Variants in PXDNL observed in about 807,000 individuals in gnomAD.
PXDNL encodes the protein probable oxidoreductase PXDNL.
A neutral mutation model predicts 150.8 loss-of-function variants in PXDNL; 145 were observed. That is an observed-to-expected ratio of 0.96 (90% CI 0.84 to 1.10). The LOEUF (loss-of-function observed/expected upper bound fraction) is 1.10. PXDNL is among the 50% of genes least tolerant of loss of function. PXDNL has a pLI of 0.00. For missense variants in PXDNL, 2,087 were observed against 1,873.9 expected, an observed-to-expected ratio of 1.11 and a Z score of -2.10; for synonymous variants, 757 against 725.7, an observed-to-expected ratio of 1.04 and a Z score of -0.69.
intron 21 of PXDNL, among the ~76,000 whole-genome samples, chr8:51,337,480 G>A (rs753505462): frequency 2.6e-5 from 4 of 152,160 alleles, no homozygotes; most frequent in East Asian, 1.9e-4. Context: ...TAGGGTTTCC[G>A]GACTCTGTGA....
chr8:51,453,855 G>C (rs959617919), intron 9 of PXDNL, 70 bp from the exon 10 acceptor site: 16 of 1,509,676 alleles, frequency 1.1e-5, no homozygotes, highest in Non-Finnish European at 1.3e-5. Flanking sequence ...ATTCTGCATT[G>C]TGGTTTTAAG....
chr8:51,375,533 A>G (rs1807274976), intron 17 of PXDNL, among the ~76,000 whole-genome samples: 1 of 152,226 alleles, frequency 6.6e-6, no homozygotes, highest in African/African-American at 2.4e-5. Context: ...TCACAAATGG[A>G]AATATAGTAT....
intron 6 of PXDNL, among the ~76,000 whole-genome samples, chr8:51,482,615 A>G (rs1194913983): frequency 6.6e-6 from 1 of 152,122 alleles, no homozygotes; most frequent in Non-Finnish European, 1.5e-5. Flanking sequence ...CCCATGTGTC[A>G]AGGGGACTAA....
chr8:51,790,434 C>T (rs1293246692), intron 1 of PXDNL, among the ~76,000 whole-genome samples: 2 of 152,196 alleles, frequency 1.3e-5, no homozygotes, highest in Non-Finnish European at 2.9e-5. Flanking sequence ...ATCTGGTTTG[C>T]TAATACTTTG....
chr8:51,413,153 G>A lies in PXDNL; in HGVS notation c.1901C>T (p.Ser634Leu). The A allele has an allele frequency of 1.9e-6, 3 of 1,563,408 alleles. No homozygotes were observed. The highest frequency in any genetic ancestry group is 2.6e-6 in the Non-Finnish European group (3 of 1,134,548). ...TCTGTGTAAAATAAATTCTTACTGT[G>A]AAAACAAATGTCTTCGTGTGGAGTT... ...AINSTRRHLF[S>L]QKPHTSSDLL... is the part of the protein sequence containing the mutation. The change falls in exon 15 of 23, where the codon TCA becomes TTA. Residue 634 changes from serine (S) to leucine (L), a missense_variant. Coordinates refer to ENST00000356297, the MANE Select transcript of PXDNL (RefSeq NM_144651.5).
intron 1 of PXDNL, among the ~76,000 whole-genome samples, chr8:51,679,161 C>A (rs905653533): frequency 2.0e-5 from 3 of 152,186 alleles, no homozygotes; most frequent in Non-Finnish European, 4.4e-5. Flanking sequence ...ATTCCTTCTT[C>A]CTTTTAGTTG....
chr8:51,796,598 C>T (rs2037563730), intron 1 of PXDNL, among the ~76,000 whole-genome samples: 2 of 152,142 alleles, frequency 1.3e-5, no homozygotes, highest in Admixed American at 6.5e-5. Context: ...TTCCTAGACA[C>T]ATACACCCTT....
At chr8:51,777,697 G>GTT (rs2037367163) in intron 1 of PXDNL, among the ~76,000 whole-genome samples, 1 of 152,062 alleles carries the variant, frequency 6.6e-6, no homozygotes, top group South Asian at 2.1e-4. Flanking sequence ...GAGGTCAGGA[G>GTT]TCTGAGACCA....
intron 1 of PXDNL, among the ~76,000 whole-genome samples, chr8:51,741,092 G>GT (rs2036902523): frequency 6.6e-6 from 1 of 152,016 alleles, no homozygotes; most frequent in Non-Finnish European, 1.5e-5. Context: ...TCTGGTCCTG[G>GT]TTTTTTGTTT....
intron 2 of PXDNL, among the ~76,000 whole-genome samples, chr8:51,633,559 T>G (rs558534888): frequency 6.6e-6 from 1 of 152,284 alleles, no homozygotes; most frequent in African/African-American, 2.4e-5. Flanking sequence ...ATCTGTTGTT[T>G]TTTAACTTCT....
intron 1 of PXDNL, among the ~76,000 whole-genome samples, chr8:51,794,892 GTGTAC>G (rs1423188886): frequency 6.6e-6 from 1 of 152,184 alleles, no homozygotes; most frequent in Non-Finnish European, 1.5e-5. Flanking sequence ...AGACCCATCA[GTGTAC>G]TGTATTCAAG....
intron 21 of PXDNL, among the ~76,000 whole-genome samples, chr8:51,331,317 G>A (rs1166967780): frequency 6.6e-6 from 1 of 152,196 alleles, no homozygotes; most frequent in Non-Finnish European, 1.5e-5. Flanking sequence ...AGGCAGCAGG[G>A]AGGCCCTGGG....
chr8:51,425,974 T>C (rs10103767), intron 13 of PXDNL, among the ~76,000 whole-genome samples: 111,901 of 152,140 alleles, frequency 0.74, 42,650 homozygotes, highest in Non-Finnish European at 0.84. Context: ...AGCCAAGTGG[T>C]TTTGGAAAAC....
chr8:51,506,027 A>T (rs775410619), intron 4 of PXDNL, among the ~76,000 whole-genome samples: 1 of 152,232 alleles, frequency 6.6e-6, no homozygotes, highest in African/African-American at 2.4e-5. Flanking sequence ...ATTTCAACTG[A>T]TTTTAAAGGA....
chr8:51,785,302 C>A (rs2037450606), intron 1 of PXDNL, among the ~76,000 whole-genome samples: 1 of 152,054 alleles, frequency 6.6e-6, no homozygotes, highest in Non-Finnish European at 1.5e-5. Flanking sequence ...TGCCTGAGGA[C>A]ATGCACATTC....
rs140906875 is a variant in PXDNL at position 51,664,529 on chromosome 8, C to A, written c.165-9769G>T. On this transcript the variant is annotated intron_variant, in intron 1 of 22. Coordinates refer to ENST00000356297, the MANE Select transcript of PXDNL (RefSeq NM_144651.5). ...CTGGATCTCACTAGACAATACCAGC[C>A]CATTTGCACGTGAGCCAATAAACAC... is the stretch of plus-strand genomic sequence containing the variant. Among the ~76,000 whole-genome samples the A allele has an allele frequency of 1.6e-3, 240 of 152,220 alleles. 1 individual carries two copies. The highest frequency in any genetic ancestry group is 5.4e-3 in the African/African-American group (223 of 41,534).
chr8:51,545,898 A>G (rs535201249), intron 4 of PXDNL, among the ~76,000 whole-genome samples: 3 of 152,340 alleles, frequency 2.0e-5, no homozygotes, highest in African/African-American at 7.2e-5. Context: ...TGTTATTTTC[A>G]TCTCTATAGC....
chr8:51,766,114 C>T (rs903882448), intron 1 of PXDNL, among the ~76,000 whole-genome samples: 5 of 152,310 alleles, frequency 3.3e-5, no homozygotes, highest in African/African-American at 2.4e-5. Context: ...GGATGACAGG[C>T]GTGAGCCACC....
intron 21 of PXDNL, among the ~76,000 whole-genome samples, chr8:51,332,712 A>G (rs11777020): frequency 0.043 from 6,506 of 152,230 alleles, 293 homozygotes; most frequent in African/African-American, 0.11. Context: ...CTCAGCAATA[A>G]AATTGAACAA....
Sources: gnomAD v4.1 joint callset for allele counts (sites outside exome capture counted in the v4.1 genomes callset) on GRCh38, gnomAD v4.1.1 for gene constraint, MANE v1.5 for transcripts, NCBI Gene and HGNC (gene_info 2026-07-23, HGNC 2026-07-21) for gene names.